SLIT2: variants seen among roughly 807,000 people sequenced by gnomAD.
The protein encoded by SLIT2 is slit homolog 2 protein.
A neutral mutation model predicts 185.7 loss-of-function variants in SLIT2; 41 were observed. The ratio of observed to expected loss-of-function variants is 0.22; its 90% confidence interval spans 0.17 to 0.29. The LOEUF (loss-of-function observed/expected upper bound fraction) is 0.29. Ranked by LOEUF, SLIT2 falls within the 10% of genes least tolerant of loss-of-function variation. SLIT2 has a pLI of 1.00. For missense variants in SLIT2, 1,571 were observed against 1,909.0 expected (o/e 0.82, Z 3.30); for synonymous variants, 693 against 680.2 (o/e 1.02, Z -0.29).
At chr4:20,500,860 A>G (rs1718667566) in intron 9 of SLIT2, among the ~76,000 whole-genome samples, 1 of 152,186 alleles carries the variant, frequency 6.6e-6, no homozygotes, top group African/African-American at 2.4e-5. Flanking sequence ...CAGAAACTAC[A>G]TATGTATCTC....
chr4:20,297,794 A>T (rs577489714), intron 4 of SLIT2, among the ~76,000 whole-genome samples: 179 of 152,280 alleles, frequency 1.2e-3, no homozygotes, highest in South Asian at 0.011. Flanking sequence ...AAAAGAGGAG[A>T]TCAACACATG....
intron 29 of SLIT2, among the ~76,000 whole-genome samples, chr4:20,581,704 T>C (rs943240681): frequency 4.6e-5 from 7 of 152,146 alleles, no homozygotes; most frequent in Non-Finnish European, 1.0e-4. Context: ...TCCCCACTTA[T>C]GCAATCTGCC....
At chr4:20,594,389 G>A (rs1727802005) in intron 30 of SLIT2, among the ~76,000 whole-genome samples, 1 of 151,690 alleles carries the variant, frequency 6.6e-6, no homozygotes, top group Non-Finnish European at 1.5e-5. Flanking sequence ...ATATATGTAT[G>A]TGTATGTGTG....
At chr4:20,370,458 C>T (rs745871733) in intron 4 of SLIT2, among the ~76,000 whole-genome samples, 3 of 152,054 alleles carry the variant, frequency 2.0e-5, no homozygotes. Flanking sequence ...TCTATGCACT[C>T]ATGATGCACA....
At chr4:20,335,481 T>C (rs946330238) in intron 4 of SLIT2, among the ~76,000 whole-genome samples, 2 of 152,236 alleles carry the variant, frequency 1.3e-5, no homozygotes, top group African/African-American at 4.8e-5. Flanking sequence ...ATAGTTGTTA[T>C]TGAGCTTATA....
chr4:20,532,220 T>G (rs1721875770), intron 17 of SLIT2, among the ~76,000 whole-genome samples, 162 bp downstream of exon 17: 1 of 152,198 alleles, frequency 6.6e-6, no homozygotes, highest in Non-Finnish European at 1.5e-5. Flanking sequence ...AAGGGACTTT[T>G]CTGTGTGTTC....
chr4:20,525,542 A>T (rs1321053838), intron 15 of SLIT2, among the ~76,000 whole-genome samples: 1 of 152,146 alleles, frequency 6.6e-6, no homozygotes, highest in Non-Finnish European at 1.5e-5. Context: ...AGCTGGTTTT[A>T]AAGACAGAGA....
At chr4:20,539,780 A>G (rs1722638347) in intron 19 of SLIT2, among the ~76,000 whole-genome samples, 196 bp downstream of exon 19, 1 of 152,208 alleles carries the variant, frequency 6.6e-6, no homozygotes, top group Non-Finnish European at 1.5e-5. Flanking sequence ...AATTTTAACA[A>G]AAAATTATAG....
At chr4:20,316,062 T>A (rs1718549629) in intron 4 of SLIT2, among the ~76,000 whole-genome samples, 2 of 152,014 alleles carry the variant, frequency 1.3e-5, no homozygotes, top group Non-Finnish European at 1.5e-5. Flanking sequence ...TCCTCCCAGA[T>A]TCCAAAAATG....
intron 4 of SLIT2, among the ~76,000 whole-genome samples, chr4:20,321,258 C>T (rs2109165113): frequency 6.6e-6 from 1 of 152,326 alleles, no homozygotes; most frequent in East Asian, 1.9e-4. Flanking sequence ...CCAGGCTACA[C>T]ATCACTCAGT....
At chr4:20,580,798 A>G (rs1220876491) in intron 29 of SLIT2, among the ~76,000 whole-genome samples, 2 of 152,160 alleles carry the variant, frequency 1.3e-5, no homozygotes, top group Non-Finnish European at 2.9e-5. Flanking sequence ...ACTCTCTTGA[A>G]GCACGGGGAG....
Position 20,538,397 on chromosome 4 carries a change from G to A in SLIT2, c.1833-1044G>A, listed in dbSNP as rs564380930. On this transcript the variant is annotated intron_variant, in intron 18 of 36. Coordinates refer to ENST00000504154, the MANE Select transcript of SLIT2 (RefSeq NM_004787.4). ...GTGCATTTGTTTTCTAACATAAAAC[G>A]ATCCCTTCATAAGGAGAGCATCATC... Among the ~76,000 whole-genome samples the A allele has an allele frequency of 1.1e-3, 131 of 114,952 alleles. 1 individual carries two copies. The highest frequency in any genetic ancestry group is 1.9e-3 in the Non-Finnish European group (111 of 57,994). 75.4% of individuals were successfully genotyped at this position (114,952 alleles called of 152,430 possible). A position where few individuals can be genotyped will look rare whatever the true frequency, so the allele number is the denominator to read the frequency against.
chr4:20,378,991 G>A (rs930036216), intron 4 of SLIT2, among the ~76,000 whole-genome samples: 2 of 152,148 alleles, frequency 1.3e-5, no homozygotes, highest in Admixed American at 6.6e-5. Flanking sequence ...AATCTGAAAA[G>A]GCTACATACA....
At chr4:20,300,117 AT>A (rs1473570229) in intron 4 of SLIT2, among the ~76,000 whole-genome samples, 1 of 152,124 alleles carries the variant, frequency 6.6e-6, no homozygotes, top group African/African-American at 2.4e-5. Context: ...CTCTTCTCAG[AT>A]TTTTAAGCAA....
At chr4:20,279,709 C>T (rs1184288815) in intron 4 of SLIT2, among the ~76,000 whole-genome samples, 2 of 152,154 alleles carry the variant, frequency 1.3e-5, no homozygotes, top group East Asian at 1.9e-4. Flanking sequence ...CCTAAATGAA[C>T]TGAGCTTACT....
intron 4 of SLIT2, among the ~76,000 whole-genome samples, chr4:20,346,850 C>G (rs552300432): frequency 3.9e-5 from 6 of 152,126 alleles, no homozygotes; most frequent in African/African-American, 9.7e-5. Context: ...AGATGAAGAC[C>G]GGAAGGATCA....
At chr4:20,292,934 C>T (rs572721762) in intron 4 of SLIT2, among the ~76,000 whole-genome samples, 5 of 152,234 alleles carry the variant, frequency 3.3e-5, no homozygotes, top group African/African-American at 1.2e-4. Flanking sequence ...ATGTGGGTCC[C>T]ACAGGACCGT....
chr4:20,467,672 T>A, intron 4 of SLIT2, 80 bp from the exon 5 acceptor site: 1 of 861,696 alleles, frequency 1.2e-6, no homozygotes, highest in Non-Finnish European at 1.8e-6. Flanking sequence ...TGGTGTCCTA[T>A]AACTTCTCAA....
intron 4 of SLIT2, among the ~76,000 whole-genome samples, chr4:20,357,422 A>T (rs1722412450): frequency 6.6e-6 from 1 of 152,144 alleles, no homozygotes; most frequent in African/African-American, 2.4e-5. Context: ...TTTTCATATT[A>T]TAACTTAATA....
Sources: gnomAD v4.1 joint callset for allele counts (sites outside exome capture counted in the v4.1 genomes callset) on GRCh38, gnomAD v4.1.1 for gene constraint, MANE v1.5 for transcripts, NCBI Gene and HGNC (gene_info 2026-07-23, HGNC 2026-07-21) for gene names.